Variants in EXOSC1 observed in about 807,000 individuals in gnomAD.
EXOSC1 encodes exosome component 1.
EXOSC1 carries 27 observed loss-of-function variants against 31.4 expected under a neutral mutation model. The ratio of observed to expected loss-of-function variants is 0.86; its 90% CI spans 0.63 to 1.18. The LOEUF is 1.18. Ranked by LOEUF, EXOSC1 falls within the 50% of genes most tolerant of loss-of-function variation. The pLI is 0.00. For missense variants in EXOSC1, 228 were observed against 250.3 expected (o/e 0.91, Z 0.60); for synonymous variants, 84 against 89.5 (o/e 0.94, Z 0.35).
chr10:97,437,594 CGCCCTGGCCTCCGAAAGT>C (rs1845581291), intron 6 of EXOSC1, 88 bp downstream of exon 6: 1 of 1,035,108 alleles, frequency 9.7e-7, no homozygotes, highest in African/African-American at 1.6e-5. Flanking sequence ...GTGATCCACC[CGCCCTGGCCTCCGAAAGT>C]GCTGGGATTA....
intron 2 of EXOSC1, 75 bp from the exon 3 acceptor site, chr10:97,443,386 T>TATAGGA: frequency 8.0e-7 from 1 of 1,254,088 alleles, no homozygotes; most frequent in East Asian, 2.3e-5. Flanking sequence ...TTGAGAGTAA[T>TATAGGA]ATAGGAATGT....
chr10:97,440,731 C>CTGG (rs1845688390), intron 4 of EXOSC1: 1 of 153,834 alleles, frequency 6.5e-6, no homozygotes, highest in Admixed American at 6.5e-5. Context: ...ACTGGCCAGG[C>CTGG]TGGTCTCAAA....
chr10:97,443,294 TAC>T lies in EXOSC1; in HGVS notation c.163_164del (p.Val55SerfsTer19), dbSNP rs1845773991. Reference sequence around the variant, plus strand: ...GTAACTGGGACTCTGTTTCTCTCACTACAGACACCACTGGAAGCTACAGAGGG... The same window carrying T: ...GTAACTGGGACTCTGTTTCTCTCACTAGACACCACTGGAAGCTACAGAGGG... ...SENGALPVVS[V>X]VRETESQLLP... On this transcript the variant is annotated frameshift_variant, in exon 3 of 8. Coordinates refer to ENST00000370902, the MANE Select transcript of EXOSC1 (RefSeq NM_016046.5). LOFTEE classifies it high-confidence loss of function. 1.9e-6 allele frequency: 3 copies of T among 1,614,016 alleles called. No homozygotes were observed. Among genetic ancestry groups the T allele is most frequent in the Non-Finnish European group, 2.5e-6 (3 of 1,180,010 alleles).
chr10:97,440,049 C>T (rs1159480543), intron 4 of EXOSC1, among the ~76,000 whole-genome samples: 8 of 151,266 alleles, frequency 5.3e-5, no homozygotes, highest in East Asian at 1.9e-4. Flanking sequence ...CTTGGCTCAC[C>T]GCAAGCTCCG....
chr10:97,438,107 C>T (rs765173930), intron 5 of EXOSC1, among the ~76,000 whole-genome samples: 7 of 151,966 alleles, frequency 4.6e-5, no homozygotes, highest in South Asian at 2.1e-4. Flanking sequence ...TTAGTAGAGA[C>T]GGGGTTTCAC....
At chr10:97,442,831 C>T (rs1234837848) in intron 3 of EXOSC1, among the ~76,000 whole-genome samples, 2 of 152,192 alleles carry the variant, frequency 1.3e-5, no homozygotes, top group Non-Finnish European at 2.9e-5. Context: ...CAGGCATGCA[C>T]CACCACGCTA....
intron 3 of EXOSC1, 29 bp from the exon 4 acceptor site, chr10:97,441,288 G>C (rs1554887449): frequency 6.3e-7 from 1 of 1,599,050 alleles, no homozygotes; most frequent in South Asian, 1.1e-5. Flanking sequence ...ATCAGCATCA[G>C]AGTATAAGCA....
At chr10:97,441,551 C>T (rs534636231) in intron 3 of EXOSC1, among the ~76,000 whole-genome samples, 54 of 139,346 alleles carry the variant, frequency 3.9e-4, no homozygotes, top group African/African-American at 1.4e-3. Flanking sequence ...AGTGCAATGG[C>T]GCGATCTTGG....
At chr10:97,437,321 T>C (rs776721161) in intron 6 of EXOSC1, 46 bp from the exon 7 acceptor site, 1 of 1,462,240 alleles carries the variant, frequency 6.8e-7, no homozygotes, top group Admixed American at 1.8e-5. Context: ...TTAGAAGTCT[T>C]CCCCCACCTT....
Position 97,446,001 on chromosome 10 carries a change from A to T in EXOSC1, c.-16T>A. 1 of 1,614,184 alleles carries T rather than the reference A, an allele frequency of 6.2e-7. No individual in the cohort carries two copies. The highest frequency in any genetic ancestry group is 8.5e-7 in the Non-Finnish European group (1 of 1,179,996). On this transcript the variant is annotated 5_prime_UTR_variant, in exon 1 of 8. Coordinates refer to ENST00000370902, the MANE Select transcript of EXOSC1 (RefSeq NM_016046.5). ...GTGGCGCCATGATTGCCGCTGTCCC[A>T]AAACCAGGATGAAAACGAAGTCGAT...
intron 5 of EXOSC1, 152 bp downstream of exon 5, chr10:97,438,518 T>G: frequency 2.9e-6 from 2 of 691,836 alleles, no homozygotes; most frequent in East Asian, 5.2e-5. Context: ...TTGCCAGGGC[T>G]GGTCTTGAAG....
intron 2 of EXOSC1, chr10:97,445,225 G>A (rs1170378469): frequency 6.4e-6 from 1 of 156,498 alleles, no homozygotes; most frequent in Non-Finnish European, 1.4e-5. Context: ...AAGCGTTCCA[G>A]ATAGATGGCA....
In EXOSC1 at chr10:97,435,967, T is replaced by C. The variant is rs1845521829; in HGVS notation, c.*478A>G. On this transcript the variant is annotated 3_prime_UTR_variant, in exon 8 of 8. Transcript: ENST00000370902. ...CCATGCCTGCCTCACATGCTATCTG[T>C]ATCACCACGTGTCCTCAAATTTTCA... Among the ~76,000 whole-genome samples, 1 of 152,186 alleles carries C rather than the reference T, an allele frequency of 6.6e-6. No homozygotes were observed. The highest frequency in any genetic ancestry group is 6.5e-5 in the Admixed American group (1 of 15,270).
At position 97,443,120 on chromosome 10, in the gene EXOSC1, C is replaced by T. The variant is rs1845768491; in HGVS notation, c.222+117G>A. 2.0e-5 allele frequency: 17 copies of T among 866,294 alleles called. No individual in the cohort carries two copies. In the South Asian group the frequency reaches 2.9e-4, roughly 15 times the overall value. 53.7% of individuals were successfully genotyped at this position (866,294 alleles called of 1,614,324 possible). On this transcript the variant is annotated intron_variant, in intron 3 of 7. Coordinates refer to ENST00000370902, the MANE Select transcript of EXOSC1 (RefSeq NM_016046.5). ...AATTACCAGTGTGAGCCACTGTGCC[C>T]TGCCAGAAATAAATTTATGTAGCTT...
intron 5 of EXOSC1, 90 bp downstream of exon 5, chr10:97,438,580 C>A: frequency 8.2e-7 from 1 of 1,212,780 alleles, no homozygotes; most frequent in Non-Finnish European, 1.2e-6. Flanking sequence ...ACTGGGATTA[C>A]GGGTGTGTGT....
chr10:97,442,790 C>T, intron 3 of EXOSC1, among the ~76,000 whole-genome samples: 1 of 152,186 alleles, frequency 6.6e-6, no homozygotes, highest in Non-Finnish European at 1.5e-5. Context: ...AAGCACTTCT[C>T]CTGCCTCAGC....
intron 3 of EXOSC1, among the ~76,000 whole-genome samples, chr10:97,442,613 A>G (rs889045269): frequency 1.3e-5 from 2 of 152,212 alleles, no homozygotes; most frequent in East Asian, 3.9e-4. Flanking sequence ...GGCCCAAGCG[A>G]TCTTCCTGCT....
At chr10:97,437,308 G>C in intron 6 of EXOSC1, 33 bp from the exon 7 acceptor site, 2 of 1,555,922 alleles carry the variant, frequency 1.3e-6, no homozygotes, top group Non-Finnish European at 1.8e-6. Context: ...GGAAAATGAG[G>C]AGTTAGAAGT....
intron 7 of EXOSC1, 73 bp from the exon 8 acceptor site, chr10:97,436,624 TG>T: frequency 7.1e-7 from 1 of 1,399,512 alleles, no homozygotes; most frequent in South Asian, 1.4e-5. Flanking sequence ...ATGCTGGGTA[TG>T]AAGCTGAAGT....
Sources: allele counts gnomAD v4.1 joint callset (sites outside exome capture counted in the v4.1 genomes callset), GRCh38; gene constraint gnomAD v4.1.1; transcripts MANE v1.5; gene names NCBI Gene and HGNC (gene_info 2026-07-23, HGNC 2026-07-21).